OSBPL1A: variants seen among roughly 807,000 people sequenced by gnomAD.
OSBPL1A encodes oxysterol-binding protein-related protein 1.
OSBPL1A carries 80 observed loss-of-function variants against 137.1 expected under a neutral mutation model. The ratio of observed to expected loss-of-function variants is 0.58; its 90% CI spans 0.49 to 0.70. The LOEUF is 0.70. Ranked by LOEUF, OSBPL1A falls within the 30% of genes least tolerant of loss-of-function variation. The pLI is 0.00. For missense variants in OSBPL1A, 970 were observed against 1,129.4 expected (o/e 0.86, Z 2.02); for synonymous variants, 365 against 389.7 (o/e 0.94, Z 0.75).
At chr18:24,270,168 T>C (rs2089682993) in intron 15 of OSBPL1A, among the ~76,000 whole-genome samples, 1 of 152,228 alleles carries the variant, frequency 6.6e-6, no homozygotes, top group East Asian at 1.9e-4. Context: ...CAGTCATATA[T>C]TTGAATGCCA....
intron 1 of OSBPL1A, among the ~76,000 whole-genome samples, chr18:24,390,642 C>T (rs1053888610): frequency 2.3e-5 from 3 of 133,220 alleles, no homozygotes; most frequent in African/African-American, 6.0e-5. Context: ...TTGCAGTGAG[C>T]CAAGATCGTG....
At position 24,162,490 on chromosome 18, in the gene OSBPL1A, C is replaced by CTT. The variant is rs1392253113; in HGVS notation, c.*687_*688dup. 6.6e-6 allele frequency: 1 copy of CTT among 152,178 alleles called. No individual in the cohort carries two copies. The highest frequency in any genetic ancestry group is 2.4e-5 in the African/African-American group (1 of 41,446). 9.4% of individuals were successfully genotyped at this position (152,178 alleles called of 1,614,324 possible). On this transcript the variant is annotated 3_prime_UTR_variant, in exon 28 of 28. Transcript: ENST00000319481. ...TACATATTTTCAGTTCAAATGTAAA[C>CTT]TTAACCATTTTAATGATACTGACTG...
intron 13 of OSBPL1A, among the ~76,000 whole-genome samples, chr18:24,305,399 C>A (rs1319054314): frequency 6.6e-6 from 1 of 152,194 alleles, no homozygotes; most frequent in Non-Finnish European, 1.5e-5. Context: ...AAGATCCAAT[C>A]TACACATACT....
intron 6 of OSBPL1A, 92 bp from the exon 7 acceptor site, chr18:24,333,178 G>T: frequency 7.2e-7 from 1 of 1,387,400 alleles, no homozygotes; most frequent in Non-Finnish European, 9.9e-7. Flanking sequence ...AGAGCCCGAA[G>T]AATAGCCAAG....
chr18:24,275,764 C>G (rs977727066), intron 15 of OSBPL1A, among the ~76,000 whole-genome samples: 4 of 151,360 alleles, frequency 2.6e-5, no homozygotes, highest in African/African-American at 9.7e-5. Flanking sequence ...AGTCTCACTC[C>G]GTTGCTCAGG....
At chr18:24,394,379 A>G (rs1285802531) in intron 1 of OSBPL1A, among the ~76,000 whole-genome samples, 1 of 152,224 alleles carries the variant, frequency 6.6e-6, no homozygotes, top group African/African-American at 2.4e-5. Flanking sequence ...TGCTTAATGA[A>G]GTTGTTTAAA....
chr18:24,240,610 C>T (rs1433952351), intron 15 of OSBPL1A, among the ~76,000 whole-genome samples: 1 of 152,208 alleles, frequency 6.6e-6, no homozygotes. Flanking sequence ...AGCGTCTTCT[C>T]AGAAGTCTCT....
At chr18:24,202,242 A>T (rs117290593) in intron 17 of OSBPL1A, among the ~76,000 whole-genome samples, 138 of 152,348 alleles carry the variant, frequency 9.1e-4, no homozygotes, top group Non-Finnish European at 1.7e-3. Context: ...TCGAAGCTAC[A>T]CAGCTGTACA....
intron 7 of OSBPL1A, among the ~76,000 whole-genome samples, chr18:24,321,081 A>G (rs2146125456): frequency 6.6e-6 from 1 of 152,068 alleles, no homozygotes; most frequent in South Asian, 2.1e-4. Flanking sequence ...CTGGGAAAAC[A>G]CAAACTTTGG....
chr18:24,277,427 T>C (rs2089867116), intron 15 of OSBPL1A, among the ~76,000 whole-genome samples: 1 of 152,242 alleles, frequency 6.6e-6, no homozygotes, highest in African/African-American at 2.4e-5. Context: ...TGGGGTCACT[T>C]ACATCTACTG....
intron 21 of OSBPL1A, among the ~76,000 whole-genome samples, chr18:24,176,659 G>A (rs2086455576): frequency 6.6e-6 from 1 of 152,140 alleles, no homozygotes; most frequent in South Asian, 2.1e-4. Context: ...CAGAGTTTCA[G>A]GCCAGAAGTC....
chr18:24,189,426 A>C lies in OSBPL1A; in HGVS notation c.1677+6699T>G, dbSNP rs538894668. Among the ~76,000 whole-genome samples the C allele has an allele frequency of 1.4e-4, 21 of 152,236 alleles. 1 individual carries two copies. The South Asian group carries it at 4.4e-3, about 32-fold the overall frequency. ...GGGTGCTCCCCCGCGTGTGTGACCT[A>C]AGCCCTGGTGGGTCCCCAGGGCTCG... On this transcript the variant is annotated intron_variant, in intron 18 of 27. Transcript: ENST00000319481.
In OSBPL1A at chr18:24,171,432, A is replaced by G. The variant is rs775636543; in HGVS notation, c.2268T>C (p.Val756=). The change falls in exon 23 of 28, where the codon GTT becomes GTC. Residue 756 remains valine (V), a synonymous_variant. Transcript: ENST00000319481. The stretch of plus-strand genomic sequence containing the variant: ...ACCTTTTATCTTGAATGTAGCCTTC[A>G]ACTTTGTGTAATTCCTTACCAAAAA... The part of the protein sequence containing the change: ...CGLFGKELHK[V]EGYIQDKSKK... The G allele has an allele frequency of 5.6e-6, 9 of 1,613,516 alleles. No homozygotes were observed. Among genetic ancestry groups the G allele is most frequent in the African/African-American group, 1.3e-5 (1 of 74,914 alleles).
intron 21 of OSBPL1A, among the ~76,000 whole-genome samples, 180 bp from the exon 22 acceptor site, chr18:24,172,663 T>C (rs916409741): frequency 6.6e-6 from 1 of 152,222 alleles, no homozygotes; most frequent in Admixed American, 6.5e-5. Flanking sequence ...CATTTGCCCA[T>C]TCTTGTTTCT....
rs755376662 is a variant in OSBPL1A at position 24,225,134 on chromosome 18, T to C, written c.1509A>G (p.Glu503=). 1 of 1,614,170 alleles carries C rather than the reference T, an allele frequency of 6.2e-7. No individual in the cohort carries two copies. Among genetic ancestry groups the C allele is most frequent in the Admixed American group, 1.7e-5 (1 of 60,030 alleles). Residue 503 remains glutamate (E), a synonymous_variant, in exon 17 of 28, where the codon GAA becomes GAG. Transcript: ENST00000319481. The part of the protein sequence containing the change: ...EAVTARSFEE[E]GEHLGSRKHR... Reference sequence around the variant, plus strand: ...GTTTTCTACTGCCCAAATGCTCTCCTTCCTCTTCAAAGGAGCGTGCTGTCA... The same window carrying C: ...GTTTTCTACTGCCCAAATGCTCTCCCTCCTCTTCAAAGGAGCGTGCTGTCA...
intron 15 of OSBPL1A, among the ~76,000 whole-genome samples, chr18:24,248,983 A>G (rs1469891944): frequency 1.3e-5 from 2 of 152,252 alleles, no homozygotes; most frequent in Non-Finnish European, 2.9e-5. Flanking sequence ...TTCTGAAACA[A>G]AAGTCGTGTT....
At chr18:24,319,825 A>G (rs1056243729) in intron 7 of OSBPL1A, among the ~76,000 whole-genome samples, 3 of 152,140 alleles carry the variant, frequency 2.0e-5, no homozygotes, top group African/African-American at 2.4e-5. Context: ...GGAACTGTTT[A>G]TGCAGGAAGG....
At chr18:24,343,368 A>G (rs2091299949) in intron 4 of OSBPL1A, among the ~76,000 whole-genome samples, 1 of 152,192 alleles carries the variant, frequency 6.6e-6, no homozygotes, top group Non-Finnish European at 1.5e-5. Context: ...TCATGGATGG[A>G]AAGACTTAAT....
At chr18:24,319,315 TCA>T (rs1226559538) in intron 7 of OSBPL1A, among the ~76,000 whole-genome samples, 1 of 152,160 alleles carries the variant, frequency 6.6e-6, no homozygotes, top group Non-Finnish European at 1.5e-5. Context: ...CTCCCTCCTA[TCA>T]GGAGCCTTGT....
Sources: allele counts gnomAD v4.1 joint callset (sites outside exome capture counted in the v4.1 genomes callset), GRCh38; gene constraint gnomAD v4.1.1; transcripts MANE v1.5; gene names NCBI Gene and HGNC (gene_info 2026-07-23, HGNC 2026-07-21).